Variants in PAM observed in about 807,000 individuals in gnomAD.
The protein encoded by PAM is peptidyl-glycine alpha-amidating monooxygenase.
Under a neutral mutation model 122.1 loss-of-function variants are expected in PAM, and 72 were observed. The observed-to-expected ratio is 0.59, with a 90% CI of 0.49 to 0.72. The LOEUF is 0.72. Among genes scored for constraint, PAM ranks in the 30% least tolerant of loss-of-function variants. PAM has a pLI of 0.00. For synonymous variants in PAM, 389 were observed against 404.4 expected (o/e 0.96, Z 0.46); for missense variants, 1,106 against 1,183.7 (o/e 0.93, Z 0.96).
chr5:102,840,751 C>T (rs1279643567), intron 1 of PAM, among the ~76,000 whole-genome samples: 1 of 152,190 alleles, frequency 6.6e-6, no homozygotes, highest in South Asian at 2.1e-4. Flanking sequence ...AGCCTCCAAT[C>T]ATCACATGCT....
intron 8 of PAM, among the ~76,000 whole-genome samples, chr5:102,947,463 G>A (rs1374288555): frequency 6.6e-6 from 1 of 152,120 alleles, no homozygotes; most frequent in African/African-American, 2.4e-5. Flanking sequence ...TCATAAGTGG[G>A]AACTAAGCTG....
chr5:103,002,410 T>C (rs1302239568), intron 16 of PAM, among the ~76,000 whole-genome samples: 1 of 152,162 alleles, frequency 6.6e-6, no homozygotes, highest in Non-Finnish European at 1.5e-5. Flanking sequence ...TTTGTAGTTA[T>C]AGAATAGCTG....
intron 7 of PAM, among the ~76,000 whole-genome samples, chr5:102,929,881 T>C (rs1750873317): frequency 6.6e-6 from 1 of 151,882 alleles, no homozygotes; most frequent in African/African-American, 2.4e-5. Flanking sequence ...TTTTTTTTTT[T>C]CTTTTAGCTC....
Position 102,940,056 on chromosome 5 carries a change from G to T in PAM, c.527-6781G>T, listed in dbSNP as rs189027860. On this transcript the variant is annotated intron_variant, in intron 7 of 25. Coordinates refer to ENST00000438793, the MANE Select transcript of PAM (RefSeq NM_001177306.2). Reference sequence around the variant, plus strand: ...AACAAAAGAGAGACAACACATTGTTGCACAAAATAGTTGAGAATTCCAATG... The same window carrying T: ...AACAAAAGAGAGACAACACATTGTTTCACAAAATAGTTGAGAATTCCAATG... 6.6e-5 allele frequency among the ~76,000 whole-genome samples: 10 copies of T among 150,540 alleles called. No individual in the cohort carries two copies. In the East Asian group the frequency reaches 2.0e-3, roughly 29 times the overall value.
chr5:102,889,174 G>A (rs562773664), intron 3 of PAM, among the ~76,000 whole-genome samples: 3 of 152,026 alleles, frequency 2.0e-5, no homozygotes, highest in Middle Eastern at 3.4e-3. Context: ...CGCTCCAGGA[G>A]GCTGACCTTT....
At chr5:102,882,052 AATATATATATATATAT>A (rs61367764) in intron 3 of PAM, among the ~76,000 whole-genome samples, 917 of 61,852 alleles carry the variant, frequency 0.015, 21 homozygotes, top group African/African-American at 0.016. Context: ...TCCATCGTGG[AATATATATATATATAT>A]ATATATATAT....
chr5:102,826,222 T>C (rs1320115557), intron 1 of PAM, among the ~76,000 whole-genome samples: 1 of 152,164 alleles, frequency 6.6e-6, no homozygotes, highest in African/African-American at 2.4e-5. Context: ...TATTTTTACT[T>C]GAAAATTTGT....
At chr5:102,927,804 C>T (rs964791274) in intron 7 of PAM, among the ~76,000 whole-genome samples, 1 of 149,760 alleles carries the variant, frequency 6.7e-6, no homozygotes, top group Non-Finnish European at 1.5e-5. Context: ...ATGGACCAGC[C>T]TATGAACCTA....
intron 1 of PAM, among the ~76,000 whole-genome samples, chr5:102,764,146 A>G (rs1254285442): frequency 6.6e-6 from 1 of 152,062 alleles, no homozygotes; most frequent in Non-Finnish European, 1.5e-5. Flanking sequence ...GCGACTCCCT[A>G]CTTTATGCTA....
intron 7 of PAM, among the ~76,000 whole-genome samples, chr5:102,931,808 C>T (rs1021865217): frequency 1.3e-5 from 1 of 75,678 alleles, no homozygotes; most frequent in Non-Finnish European, 3.4e-5. Context: ...AAACAACACA[C>T]TCTCTCTCTC....
chr5:102,771,115 G>A (rs913295732), intron 1 of PAM, among the ~76,000 whole-genome samples: 15 of 152,204 alleles, frequency 9.9e-5, no homozygotes, highest in Middle Eastern at 3.4e-3. Context: ...GCCAGTTTTC[G>A]TTAAGCATTT....
intron 9 of PAM, 27 bp from the exon 10 acceptor site, chr5:102,949,510 T>C: frequency 8.8e-7 from 1 of 1,137,194 alleles, no homozygotes; most frequent in South Asian, 1.2e-5. Context: ...GAATAGTGAC[T>C]TTTGTCTGTG....
At chr5:102,824,399 A>G (rs1772981784) in intron 1 of PAM, among the ~76,000 whole-genome samples, 3 of 152,190 alleles carry the variant, frequency 2.0e-5, no homozygotes, top group South Asian at 2.1e-4. Context: ...TATCTTAGTC[A>G]TTCTATGTAC....
chr5:102,873,676 T>G (rs556504803), intron 3 of PAM: 1 of 152,362 alleles, frequency 6.6e-6, no homozygotes, highest in African/African-American at 2.4e-5. Context: ...TTAAGAATTA[T>G]GAGACCACAT....
At chr5:102,996,154 T>C (rs1462192064) in intron 16 of PAM, among the ~76,000 whole-genome samples, 2 of 152,168 alleles carry the variant, frequency 1.3e-5, no homozygotes. Context: ...TAGCTGCTAA[T>C]GTGAAAAATC....
chr5:102,773,949 TAA>T (rs1366729110), intron 1 of PAM, among the ~76,000 whole-genome samples: 2 of 152,094 alleles, frequency 1.3e-5, no homozygotes, highest in Non-Finnish European at 2.9e-5. Flanking sequence ...CCCCCACTTA[TAA>T]GTGAGAACAT....
chr5:102,995,763 T>C (rs1045907966), intron 16 of PAM, among the ~76,000 whole-genome samples: 1 of 152,096 alleles, frequency 6.6e-6, no homozygotes, highest in Non-Finnish European at 1.5e-5. Flanking sequence ...ATAGTCATAC[T>C]GAATTTTTTT....
At chr5:102,818,427 A>G (rs909430146) in intron 1 of PAM, among the ~76,000 whole-genome samples, 2 of 152,002 alleles carry the variant, frequency 1.3e-5, no homozygotes, top group Non-Finnish European at 2.9e-5. Flanking sequence ...AGGAAAATGT[A>G]GCATACCAGT....
At chr5:102,890,370 C>T (rs1218103361) in intron 3 of PAM, among the ~76,000 whole-genome samples, 1 of 151,838 alleles carries the variant, frequency 6.6e-6, no homozygotes, top group Non-Finnish European at 1.5e-5. Context: ...TTTTAGTTGC[C>T]ATAAATGATC....
Sources: allele counts gnomAD v4.1 joint callset (sites outside exome capture counted in the v4.1 genomes callset), GRCh38; gene constraint gnomAD v4.1.1; transcripts MANE v1.5; gene names NCBI Gene and HGNC (gene_info 2026-07-23, HGNC 2026-07-21).